SOX5: variants seen among roughly 807,000 people sequenced by gnomAD.
The protein encoded by SOX5 is SRY-box transcription factor 5.
A neutral mutation model predicts 92.0 loss-of-function variants in SOX5; 9 were observed. The observed-to-expected ratio is 0.10, with a 90% CI of 0.06 to 0.17. The LOEUF is 0.17. Ranked by LOEUF, SOX5 falls within the 10% of genes least tolerant of loss-of-function variation. The pLI, the probability that SOX5 is intolerant of heterozygous loss-of-function variation, is 1.00. For missense variants in SOX5, 642 were observed against 944.5 expected (o/e 0.68, Z 4.20); for synonymous variants, 344 against 336.3 (o/e 1.02, Z -0.25).
chr12:24,203,561 A>T (rs1292474073), intron 4 of SOX5, among the ~76,000 whole-genome samples: 1 of 152,198 alleles, frequency 6.6e-6, no homozygotes, highest in East Asian at 1.9e-4. Flanking sequence ...GATATCTAAG[A>T]TAAAAATCTA....
chr12:23,916,297 C>A (rs543254696), intron 1 of SOX5, among the ~76,000 whole-genome samples: 2 of 152,064 alleles, frequency 1.3e-5, no homozygotes, highest in African/African-American at 4.8e-5. Context: ...GCACACAATC[C>A]AAGAGAAAAC....
chr12:23,898,666 C>T (rs1595479055), intron 1 of SOX5, among the ~76,000 whole-genome samples: 1 of 152,150 alleles, frequency 6.6e-6, no homozygotes, highest in Non-Finnish European at 1.5e-5. Context: ...TGTGTATTCT[C>T]TATATATAGC....
Position 24,164,866 on chromosome 12 carries a change from T to C in SOX5, c.-2+48477A>G, listed in dbSNP as rs147911167. Among the ~76,000 whole-genome samples, 628 of 152,220 alleles carry C rather than the reference T, an allele frequency of 4.1e-3. 8 individuals are homozygous for C. The highest frequency in any genetic ancestry group is 0.015 in the African/African-American group (616 of 41,562). On this transcript the variant is annotated intron_variant, in intron 4 of 4. Transcript: ENST00000446891. ...AATTCTTCTTTATGACATATTTTCC[T>C]GTTATATTGAATGGAACTAATGGCA...
chr12:24,286,833 G>A (rs931646740), intron 2 of SOX5, among the ~76,000 whole-genome samples: 2 of 152,174 alleles, frequency 1.3e-5, no homozygotes, highest in African/African-American at 2.4e-5. Flanking sequence ...CAGAAAGAAC[G>A]GGTCACTCTG....
chr12:23,984,058 C>T (rs762224086), intron 4 of SOX5, among the ~76,000 whole-genome samples: 1 of 152,154 alleles, frequency 6.6e-6, no homozygotes, highest in Non-Finnish European at 1.5e-5. Flanking sequence ...CCAACCTCTC[C>T]TCCTTTGATT....
chr12:23,702,945 A>C (rs756731787), intron 6 of SOX5, among the ~76,000 whole-genome samples: 3 of 152,080 alleles, frequency 2.0e-5, no homozygotes, highest in Non-Finnish European at 4.4e-5. Flanking sequence ...TATAATCTGC[A>C]ATTGTCCATG....
chr12:24,195,500 T>C (rs981040958), intron 4 of SOX5, among the ~76,000 whole-genome samples: 2 of 152,224 alleles, frequency 1.3e-5, no homozygotes, highest in Non-Finnish European at 2.9e-5. Flanking sequence ...ATCTTTATCA[T>C]ACATATTTCC....
intron 3 of SOX5, among the ~76,000 whole-genome samples, chr12:23,776,304 T>C (rs894781049): frequency 3.3e-5 from 5 of 152,202 alleles, no homozygotes; most frequent in African/African-American, 9.6e-5. Context: ...TATATTGCTA[T>C]AGGAATGTAG....
At chr12:24,165,164 AAAAT>A (rs1277079428) in intron 4 of SOX5, among the ~76,000 whole-genome samples, 1 of 152,132 alleles carries the variant, frequency 6.6e-6, no homozygotes, top group Non-Finnish European at 1.5e-5. Flanking sequence ...TCTGTGAGGT[AAAAT>A]AATACCTATT....
intron 2 of SOX5, among the ~76,000 whole-genome samples, chr12:24,321,773 G>C (rs1004067507): frequency 1.2e-4 from 18 of 151,998 alleles, no homozygotes; most frequent in African/African-American, 4.3e-4. Context: ...GAGTAGGTTG[G>C]GTAAACAACC....
At chr12:23,729,247 A>G (rs1242027613) in intron 6 of SOX5, among the ~76,000 whole-genome samples, 1 of 152,190 alleles carries the variant, frequency 6.6e-6, no homozygotes. Flanking sequence ...GATTGCAATA[A>G]TAAAACTCAA....
At chr12:24,298,012 T>A (rs1242488351) in intron 2 of SOX5, among the ~76,000 whole-genome samples, 1 of 152,202 alleles carries the variant, frequency 6.6e-6, no homozygotes, top group Non-Finnish European at 1.5e-5. Context: ...CTCCTTTTTT[T>A]CAAAGTGACA....
At chr12:24,207,659 T>C (rs951005390) in intron 4 of SOX5, among the ~76,000 whole-genome samples, 37 of 152,304 alleles carry the variant, frequency 2.4e-4, no homozygotes, top group African/African-American at 8.7e-4. Context: ...ACCATATAGT[T>C]TGTAAAGCAG....
chr12:23,763,162 T>C (rs1251938394), intron 3 of SOX5, among the ~76,000 whole-genome samples: 1 of 152,202 alleles, frequency 6.6e-6, no homozygotes, highest in Non-Finnish European at 1.5e-5. Flanking sequence ...TGGCAAGTAA[T>C]GTAACCTCTC....
chr12:24,306,670 TC>T (rs1316214501), intron 2 of SOX5, among the ~76,000 whole-genome samples: 1 of 152,074 alleles, frequency 6.6e-6, no homozygotes, highest in Non-Finnish European at 1.5e-5. Context: ...TGGAGCATTT[TC>T]CTCTCACATC....
chr12:23,796,541 C>A (rs987325611), intron 3 of SOX5, among the ~76,000 whole-genome samples: 84 of 152,054 alleles, frequency 5.5e-4, no homozygotes, highest in African/African-American at 2.0e-3. Context: ...ATATAAGTAT[C>A]ACTGGTGGTG....
chr12:23,808,589 T>C (rs2095822023), intron 3 of SOX5, among the ~76,000 whole-genome samples: 1 of 152,152 alleles, frequency 6.6e-6, no homozygotes, highest in Non-Finnish European at 1.5e-5. Flanking sequence ...TATACAAGCA[T>C]GCATATATAC....
At chr12:23,713,172 A>G (rs1442094276) in intron 6 of SOX5, among the ~76,000 whole-genome samples, 1 of 152,008 alleles carries the variant, frequency 6.6e-6, no homozygotes, top group African/African-American at 2.4e-5. Context: ...AGAGGCAGAG[A>G]CTAGAGTCAC....
At chr12:24,024,688 A>C (rs1954680212) in intron 4 of SOX5, among the ~76,000 whole-genome samples, 1 of 152,042 alleles carries the variant, frequency 6.6e-6, no homozygotes, top group South Asian at 2.1e-4. Context: ...AAATGCTGTC[A>C]AGGTAACAAG....
Sources: gnomAD v4.1 joint callset for allele counts (sites outside exome capture counted in the v4.1 genomes callset) on GRCh38, gnomAD v4.1.1 for gene constraint, MANE v1.5 for transcripts, NCBI Gene and HGNC (gene_info 2026-07-23, HGNC 2026-07-21) for gene names.